Variants in SDK1 observed in about 807,000 individuals in gnomAD.
The protein encoded by SDK1 is sidekick cell adhesion molecule 1, also known as protein sidekick-1.
Under a neutral mutation model 245.5 loss-of-function variants are expected in SDK1, and 157 were observed. The observed-to-expected ratio is 0.64, with a 90% CI of 0.56 to 0.73. The LOEUF (loss-of-function observed/expected upper bound fraction) is 0.73, where lower values mean the gene tolerates loss of function less well. Among genes scored for constraint, SDK1 ranks in the 30% least tolerant of loss-of-function variants. The pLI, the probability that SDK1 is intolerant of heterozygous loss-of-function variation, is 0.00. For synonymous variants in SDK1, 1,647 were observed against 1,278.5 expected (o/e 1.29, Z -6.15); for missense variants, 3,583 against 3,002.3 (o/e 1.19, Z -4.52).
intron 1 of SDK1, among the ~76,000 whole-genome samples, chr7:3,528,347 T>G (rs1258717271): frequency 4.5e-5 from 6 of 132,870 alleles, no homozygotes; most frequent in Admixed American, 1.5e-4. Context: ...GGGGGTTGAG[T>G]GGTGGGAGGT....
chr7:4,149,883 C>T (rs1035532091), intron 30 of SDK1, among the ~76,000 whole-genome samples: 1 of 152,092 alleles, frequency 6.6e-6, no homozygotes, highest in Non-Finnish European at 1.5e-5. Context: ...CTTGCGTTCT[C>T]GAAAGCAGCA....
intron 4 of SDK1, among the ~76,000 whole-genome samples, chr7:3,751,310 T>C (rs1266112318): frequency 6.6e-6 from 1 of 152,182 alleles, no homozygotes; most frequent in Non-Finnish European, 1.5e-5. Context: ...ATGCCCCTCT[T>C]TACTTCCTGT....
At chr7:3,749,264 G>A (rs1779709928) in intron 4 of SDK1, among the ~76,000 whole-genome samples, 1 of 152,092 alleles carries the variant, frequency 6.6e-6, no homozygotes, top group African/African-American at 2.4e-5. Flanking sequence ...AGCCTTCTGA[G>A]TAGCTGGGAC....
chr7:3,873,409 C>G (rs950259381), intron 5 of SDK1, among the ~76,000 whole-genome samples: 3 of 151,992 alleles, frequency 2.0e-5, no homozygotes, highest in African/African-American at 7.2e-5. Context: ...AATATCATAA[C>G]TAGATGTAGA....
intron 17 of SDK1, among the ~76,000 whole-genome samples, chr7:4,043,224 A>T (rs1196043362): frequency 6.6e-6 from 1 of 151,664 alleles, no homozygotes; most frequent in African/African-American, 2.4e-5. Flanking sequence ...AGGTAGAGTG[A>T]GTGTCACAGC....
intron 22 of SDK1, among the ~76,000 whole-genome samples, chr7:4,086,445 G>A (rs892636912): frequency 3.9e-5 from 6 of 152,100 alleles, no homozygotes; most frequent in South Asian, 2.1e-4. Flanking sequence ...AGGGTCATTC[G>A]GGTTGCGGCA....
intron 4 of SDK1, among the ~76,000 whole-genome samples, chr7:3,798,774 C>T (rs1031908744): frequency 1.3e-5 from 2 of 152,160 alleles, no homozygotes; most frequent in Non-Finnish European, 2.9e-5. Flanking sequence ...GTTAAGCCCC[C>T]TCCTACTAGA....
chr7:4,074,856 T>TACTTTCTCTCTCTCTCTCTCTCCCTCTC (rs1486926440), intron 20 of SDK1, among the ~76,000 whole-genome samples: 1 of 72,338 alleles, frequency 1.4e-5, no homozygotes, highest in African/African-American at 9.5e-5. Context: ...GAGCAAGACT[T>TACTTTCTCTCTCTCTCTCTCTCCCTCTC]TCTCTCTCTC....
chr7:3,590,909 A>T (rs1455129044), intron 1 of SDK1, among the ~76,000 whole-genome samples: 1 of 151,816 alleles, frequency 6.6e-6, no homozygotes, highest in East Asian at 1.9e-4. Flanking sequence ...CAGCTTCCCA[A>T]GTAGCTGAGA....
chr7:3,626,147 C>T (rs933544985), intron 2 of SDK1, among the ~76,000 whole-genome samples: 9 of 151,724 alleles, frequency 5.9e-5, no homozygotes, highest in Non-Finnish European at 8.8e-5. Context: ...GCTATGTTGC[C>T]CAGCCTAGTC....
Position 3,951,853 on chromosome 7 carries a change from C to G in SDK1, c.1083C>G (p.Val361=), listed in dbSNP as rs61745546. The change falls in exon 7 of 45, where the codon GTC becomes GTG. Residue 361 remains valine (V), a synonymous_variant. Transcript: ENST00000404826. ...CGTCCGCGGACACCGGGCCATACGT[C>G]TGCGAGGCGGCGCTGCCGGGGAGCG... ...NPTSADTGPY[V]CEAALPGSAF... The G allele has an allele frequency of 1.9e-6, 3 of 1,613,816 alleles. No homozygotes were observed. Among genetic ancestry groups the G allele is most frequent in the African/African-American group, 2.7e-5 (2 of 75,046 alleles).
chr7:3,528,964 G>T (rs1482475114), intron 1 of SDK1, among the ~76,000 whole-genome samples: 1 of 152,148 alleles, frequency 6.6e-6, no homozygotes. Flanking sequence ...AGGGTTTAAA[G>T]GGGCACTGGG....
intron 2 of SDK1, among the ~76,000 whole-genome samples, chr7:3,629,600 C>G (rs1227317955): frequency 6.6e-6 from 1 of 152,160 alleles, no homozygotes; most frequent in Non-Finnish European, 1.5e-5. Context: ...ATGATTAGCC[C>G]TAGACCAAAT....
chr7:4,205,065 G>T (rs1334368649), intron 35 of SDK1, among the ~76,000 whole-genome samples: 1 of 152,218 alleles, frequency 6.6e-6, no homozygotes, highest in African/African-American at 2.4e-5. Context: ...GTGCCATGCA[G>T]CCCTGCAGAC....
At chr7:3,340,872 C>T (rs1780330005) in intron 1 of SDK1, among the ~76,000 whole-genome samples, 1 of 152,000 alleles carries the variant, frequency 6.6e-6, no homozygotes, top group East Asian at 1.9e-4. Context: ...TTGAAATGCT[C>T]CCTTAAAAAA....
chr7:3,372,267 G>T (rs766793736), intron 1 of SDK1, among the ~76,000 whole-genome samples: 3 of 152,144 alleles, frequency 2.0e-5, no homozygotes, highest in Non-Finnish European at 4.4e-5. Flanking sequence ...TGTGTCCTGT[G>T]ACTGGTAGTT....
intron 9 of SDK1, among the ~76,000 whole-genome samples, chr7:3,966,445 C>T (rs1032212989): frequency 2.0e-5 from 3 of 152,056 alleles, no homozygotes; most frequent in Non-Finnish European, 2.9e-5. Context: ...GGCGAGCCCT[C>T]GCTGAAGCCA....
At chr7:3,522,510 AG>A (rs1385837548) in intron 1 of SDK1, among the ~76,000 whole-genome samples, 26 of 151,910 alleles carry the variant, frequency 1.7e-4, no homozygotes, top group African/African-American at 6.1e-4. Context: ...CCTTGGATGC[AG>A]GGTGTTTGTC....
intron 1 of SDK1, among the ~76,000 whole-genome samples, chr7:3,613,538 G>T (rs981412437): frequency 1.3e-5 from 2 of 152,082 alleles, no homozygotes; most frequent in Admixed American, 6.5e-5. Flanking sequence ...TTTCTCTAAT[G>T]GTGGGAGTGT....
Sources: allele counts gnomAD v4.1 joint callset (sites outside exome capture counted in the v4.1 genomes callset), GRCh38; gene constraint gnomAD v4.1.1; transcripts MANE v1.5; gene names NCBI Gene and HGNC (gene_info 2026-07-23, HGNC 2026-07-21).